GASK1A: variants seen among roughly 807,000 people sequenced by gnomAD.
The protein encoded by GASK1A is Golgi-associated kinase 1A.
Under a neutral mutation model 41.2 loss-of-function variants are expected in GASK1A, and 40 were observed. The observed-to-expected ratio is 0.97, with a 90% confidence interval of 0.75 to 1.27. The LOEUF (loss-of-function observed/expected upper bound fraction) is 1.27, where lower values mean the gene tolerates loss of function less well. Among genes scored for constraint, GASK1A ranks in the 50% most tolerant of loss-of-function variants. GASK1A has a pLI of 0.00. For missense variants in GASK1A, 678 were observed against 745.1 expected (o/e 0.91, Z 1.05); for synonymous variants, 316 against 307.1 (o/e 1.03, Z -0.30).
intron 1 of GASK1A, among the ~76,000 whole-genome samples, chr3:43,024,736 C>T (rs1210088110): frequency 6.6e-6 from 1 of 152,190 alleles, no homozygotes; most frequent in Non-Finnish European, 1.5e-5. Flanking sequence ...GAGAGCTTCT[C>T]ACGTGCCAGG....
At chr3:43,056,009 T>C in intron 4 of GASK1A, 167 bp from the exon 5 acceptor site, 1 of 609,904 alleles carries the variant, frequency 1.6e-6, no homozygotes, top group Non-Finnish European at 2.9e-6. Context: ...CAAAGGGTCC[T>C]CTGTTAGTGA....
At chr3:43,010,494 G>A (rs1049811870) in intron 1 of GASK1A, among the ~76,000 whole-genome samples, 4 of 152,200 alleles carry the variant, frequency 2.6e-5, no homozygotes, top group Non-Finnish European at 5.9e-5. Flanking sequence ...CACTGTCCTT[G>A]AAAAATAATT....
intron 1 of GASK1A, among the ~76,000 whole-genome samples, chr3:43,023,233 G>T (rs1249925080): frequency 6.6e-6 from 1 of 152,152 alleles, no homozygotes; most frequent in Non-Finnish European, 1.5e-5. Flanking sequence ...CTGGAGTGAT[G>T]TGACTACAAG....
intron 2 of GASK1A, among the ~76,000 whole-genome samples, chr3:43,043,569 T>TC (rs2089648366): frequency 6.6e-6 from 1 of 152,358 alleles, no homozygotes; most frequent in South Asian, 2.1e-4. Flanking sequence ...CCTGTGTGAC[T>TC]CATTATTCAG....
chr3:43,042,124 A>G (rs1214199153), intron 2 of GASK1A, among the ~76,000 whole-genome samples: 1 of 152,136 alleles, frequency 6.6e-6, no homozygotes, highest in Admixed American at 6.5e-5. Flanking sequence ...ATTAAACACC[A>G]TGCTGGCTTT....
chr3:43,013,416 G>A (rs1052596967), intron 1 of GASK1A, among the ~76,000 whole-genome samples: 7 of 151,416 alleles, frequency 4.6e-5, no homozygotes, highest in African/African-American at 1.7e-4. Context: ...GCAGTGTGAG[G>A]CCACAGGAAT....
At chr3:43,021,793 T>C (rs1389763792) in intron 1 of GASK1A, among the ~76,000 whole-genome samples, 3 of 152,204 alleles carry the variant, frequency 2.0e-5, no homozygotes, top group Admixed American at 2.0e-4. Context: ...AAAACCTGTG[T>C]GTCTATTTCT....
At chr3:43,052,266 C>T (rs2125692574) in intron 2 of GASK1A, among the ~76,000 whole-genome samples, 1 of 152,312 alleles carries the variant, frequency 6.6e-6, no homozygotes, top group Middle Eastern at 3.4e-3. Flanking sequence ...AGCTCAGCAT[C>T]CACCAAACAT....
chr3:42,996,891 C>T (rs1359607369), intron 1 of GASK1A, among the ~76,000 whole-genome samples: 3 of 152,216 alleles, frequency 2.0e-5, no homozygotes, highest in African/African-American at 4.8e-5. Context: ...GACTTGTGGT[C>T]TCCTTGGAGA....
At chr3:42,993,381 T>C (rs995795258) in intron 1 of GASK1A, among the ~76,000 whole-genome samples, 2 of 152,228 alleles carry the variant, frequency 1.3e-5, no homozygotes, top group African/African-American at 4.8e-5. Flanking sequence ...ATCACTGCTT[T>C]GAAAGTGCAT....
At chr3:43,034,991 C>T (rs182583010) in intron 2 of GASK1A, among the ~76,000 whole-genome samples, 1 of 152,316 alleles carries the variant, frequency 6.6e-6, no homozygotes, top group Admixed American at 6.5e-5. Context: ...CTCCTGTCGT[C>T]CTCCCAGCTC....
At chr3:43,015,273 G>A (rs1277182697) in intron 1 of GASK1A, among the ~76,000 whole-genome samples, 2 of 149,380 alleles carry the variant, frequency 1.3e-5, no homozygotes, top group African/African-American at 4.9e-5. Flanking sequence ...GGAAGGGGCT[G>A]TGGGAAGCCA....
Position 43,033,646 on chromosome 3 carries a change from A to C in GASK1A, c.1290+93A>C. ...ATTGCCCACCTGAGGTTAGATGGTGACTCTCCCCCAAGTCTTGGTTTTTTG... is the reference window on the plus strand; with the variant it reads ...ATTGCCCACCTGAGGTTAGATGGTGCCTCTCCCCCAAGTCTTGGTTTTTTG... On this transcript the variant is annotated intron_variant, in intron 2 of 4. Coordinates refer to ENST00000430121, the MANE Select transcript of GASK1A (RefSeq NM_001129908.3). 9 of 1,171,876 alleles carry C rather than the reference A, an allele frequency of 7.7e-6. No homozygotes were observed. The East Asian group carries it at 1.1e-4, about 14-fold the overall frequency. The allele number at this position is 1,171,876 out of a possible 1,614,324, so 72.6% of individuals were successfully genotyped here. A position where few individuals can be genotyped will look rare whatever the true frequency, so the allele number is the denominator to read the frequency against.
chr3:43,056,032 A>G (rs762931798), intron 4 of GASK1A, 144 bp from the exon 5 acceptor site: 9 of 644,542 alleles, frequency 1.4e-5, no homozygotes, highest in Admixed American at 1.2e-4. Context: ...TAGCAGGTGC[A>G]GGTCTGGGGA....
At chr3:43,045,878 T>TC (rs2089660244) in intron 2 of GASK1A, among the ~76,000 whole-genome samples, 1 of 152,218 alleles carries the variant, frequency 6.6e-6, no homozygotes, top group Non-Finnish European at 1.5e-5. Flanking sequence ...GCATTCATTC[T>TC]CCTTCCTGCC....
At chr3:43,007,825 A>G (rs1024459192) in intron 1 of GASK1A, among the ~76,000 whole-genome samples, 1 of 152,188 alleles carries the variant, frequency 6.6e-6, no homozygotes, top group Non-Finnish European at 1.5e-5. Context: ...TCTAAATCAA[A>G]TTGTCTGGCT....
rs183453756 is a variant in GASK1A, at chr3:42,999,698, G to A, written c.3+20053G>A. On this transcript the variant is annotated intron_variant, in intron 1 of 4. Coordinates refer to ENST00000430121, the MANE Select transcript of GASK1A (RefSeq NM_001129908.3). ...TTGCTGTAACAAATTGACGCACATCGAGTGGCTCAAAACAACACAAATTTG... is the reference window on the plus strand; with the variant it reads ...TTGCTGTAACAAATTGACGCACATCAAGTGGCTCAAAACAACACAAATTTG... Among the ~76,000 whole-genome samples the A allele has an allele frequency of 3.3e-5, 5 of 152,272 alleles. No homozygotes were observed. The East Asian group carries it at 7.7e-4, about 24-fold the overall frequency.
intron 1 of GASK1A, among the ~76,000 whole-genome samples, chr3:43,014,057 TGCCACAGGAAGGGACTGTGTGAA>T (rs1181063170): frequency 8.9e-6 from 1 of 112,772 alleles, no homozygotes; most frequent in Non-Finnish European, 1.8e-5. Context: ...GGTGGTGTGA[TGCCACAGGAAGGGACTGTGTGAA>T]GCCACAGGAA....
chr3:43,049,432 A>G (rs954133466), intron 2 of GASK1A, among the ~76,000 whole-genome samples: 1 of 152,158 alleles, frequency 6.6e-6, no homozygotes, highest in Non-Finnish European at 1.5e-5. Context: ...GTATTAGAGG[A>G]AAGAAGAAAA....
Sources: allele counts gnomAD v4.1 joint callset (sites outside exome capture counted in the v4.1 genomes callset), GRCh38; gene constraint gnomAD v4.1.1; transcripts MANE v1.5; gene names NCBI Gene and HGNC (gene_info 2026-07-23, HGNC 2026-07-21).